DPP6: variants seen among roughly 807,000 people sequenced by gnomAD.
DPP6 encodes dipeptidyl peptidase like 6.
DPP6 carries 69 observed loss-of-function variants against 122.6 expected under a neutral mutation model. The observed-to-expected ratio is 0.56, with a 90% CI of 0.46 to 0.69. DPP6 has a LOEUF of 0.69. Among genes scored for constraint, DPP6 ranks in the 30% least tolerant of loss-of-function variants. The pLI, the probability that DPP6 is intolerant of heterozygous loss-of-function variation, is 0.00. For missense variants in DPP6, 928 were observed against 1,116.9 expected, an observed-to-expected ratio of 0.83 and a Z score of 2.41; for synonymous variants, 418 against 433.1, an observed-to-expected ratio of 0.97 and a Z score of 0.43.
the DPP6 span, among the ~76,000 whole-genome samples, chr7:153,818,623 A>G: frequency 1.3e-5 from 2 of 151,870 alleles, no homozygotes; most frequent in African/African-American, 4.8e-5. Context: ...TTATCTAGCC[A>G]GATGTAGGTT....
At chr7:154,837,197 C>T (rs568955146) in intron 16 of DPP6, among the ~76,000 whole-genome samples, 5 of 151,060 alleles carry the variant, frequency 3.3e-5, no homozygotes, top group East Asian at 2.0e-4. Context: ...GCATGCATAA[C>T]GCACATTCAC....
intron 5 of DPP6, among the ~76,000 whole-genome samples, chr7:154,625,607 G>A (rs2130873581): frequency 6.6e-6 from 1 of 152,060 alleles, no homozygotes; most frequent in South Asian, 2.1e-4. Flanking sequence ...GTCTGTTTTT[G>A]GAAGTGAGCC....
chr7:154,123,419 G>A (rs1807639934), intron 1 of DPP6, among the ~76,000 whole-genome samples: 1 of 152,172 alleles, frequency 6.6e-6, no homozygotes, highest in Admixed American at 6.5e-5. Flanking sequence ...TCTTAAAATT[G>A]TTAGGGGTAT....
chr7:154,270,014 C>A (rs1803686200), intron 1 of DPP6, among the ~76,000 whole-genome samples: 1 of 152,178 alleles, frequency 6.6e-6, no homozygotes, highest in South Asian at 2.1e-4. Flanking sequence ...ATGACGGACC[C>A]AGCAGCCATG....
intron 1 of DPP6, among the ~76,000 whole-genome samples, chr7:154,017,683 G>C (rs1265880142): frequency 1.4e-5 from 2 of 144,040 alleles, no homozygotes; most frequent in African/African-American, 5.2e-5. Context: ...CTGGGTGACA[G>C]AGTGAGCCCT....
chr7:153,977,057 C>T (rs1264771237), intron 1 of DPP6, among the ~76,000 whole-genome samples: 1 of 152,202 alleles, frequency 6.6e-6, no homozygotes, highest in Admixed American at 6.5e-5. Flanking sequence ...GCTCCTGGCT[C>T]TTTTTCATGT....
chr7:154,584,452 GC>G (rs1832297534), intron 5 of DPP6, among the ~76,000 whole-genome samples: 1 of 152,234 alleles, frequency 6.6e-6, no homozygotes, highest in Admixed American at 6.5e-5. Context: ...ACTTTGAGAT[GC>G]TTAAAGGTGG....
intron 1 of DPP6, among the ~76,000 whole-genome samples, chr7:154,291,433 T>G (rs916376729): frequency 3.9e-5 from 6 of 152,196 alleles, no homozygotes; most frequent in Non-Finnish European, 7.3e-5. Flanking sequence ...AAGGTCCAGT[T>G]CTTGCATCAG....
At chr7:154,623,297 C>G (rs376037475) in intron 5 of DPP6, among the ~76,000 whole-genome samples, 3 of 152,090 alleles carry the variant, frequency 2.0e-5, no homozygotes, top group East Asian at 3.9e-4. Context: ...GAATATTTCT[C>G]TTTATATCTG....
chr7:154,036,020 T>TTG (rs1162400104), intron 1 of DPP6, among the ~76,000 whole-genome samples: 16,974 of 54,470 alleles, frequency 0.31, 1,421 homozygotes, highest in East Asian at 0.5. Flanking sequence ...GCGCGCGCGC[T>TTG]TGTGTGTGTG....
At chr7:154,333,459 C>T (rs974841999) in intron 1 of DPP6, among the ~76,000 whole-genome samples, 1 of 152,142 alleles carries the variant, frequency 6.6e-6, no homozygotes. Flanking sequence ...CTAGCACTAT[C>T]GATTAATGCT....
chr7:153,817,923 T>TA, the DPP6 span, among the ~76,000 whole-genome samples: 2,661 of 147,582 alleles, frequency 0.018, 67 homozygotes, highest in African/African-American at 0.064. Flanking sequence ...TAATAATAAT[T>TA]AAAAAAAACA....
chr7:153,870,057 T>G, the DPP6 span, among the ~76,000 whole-genome samples: 3 of 152,262 alleles, frequency 2.0e-5, no homozygotes, highest in East Asian at 3.9e-4. Context: ...TGGGTAACCC[T>G]ACCTTTCTCT....
intron 1 of DPP6, among the ~76,000 whole-genome samples, chr7:154,156,163 A>G (rs534816672): frequency 1.3e-5 from 2 of 152,346 alleles, no homozygotes; most frequent in South Asian, 4.1e-4. Flanking sequence ...CTACAGGGTC[A>G]TCCCGAGGCC....
intron 1 of DPP6, among the ~76,000 whole-genome samples, chr7:154,005,671 G>A (rs1797882779): frequency 7.0e-6 from 1 of 141,872 alleles, no homozygotes; most frequent in African/African-American, 2.6e-5. Context: ...TTGTGGTTCT[G>A]TCAAGAAAGG....
chr7:154,566,400 G>T (rs1016509877), intron 4 of DPP6, among the ~76,000 whole-genome samples: 4 of 152,018 alleles, frequency 2.6e-5, no homozygotes, highest in African/African-American at 7.3e-5. Flanking sequence ...TCATGCCTCA[G>T]CCTCCCAAGT....
At chr7:154,410,430 G>C (rs1816500355) in intron 1 of DPP6, among the ~76,000 whole-genome samples, 1 of 152,192 alleles carries the variant, frequency 6.6e-6, no homozygotes, top group Non-Finnish European at 1.5e-5. Context: ...ATTTCATCAG[G>C]TATAAATGTG....
At chr7:154,570,762 T>C (rs534539145) in intron 5 of DPP6, among the ~76,000 whole-genome samples, 90 of 152,350 alleles carry the variant, frequency 5.9e-4, no homozygotes, top group Admixed American at 1.3e-3. Context: ...ATCTTAACTA[T>C]GCCAACCCTA....
At chr7:154,799,129 C>T (rs536233515) in intron 12 of DPP6, among the ~76,000 whole-genome samples, 2 of 152,256 alleles carry the variant, frequency 1.3e-5, no homozygotes, top group East Asian at 1.9e-4. Flanking sequence ...TTAGGTCCAC[C>T]GATCTTCCAA....
Sources: allele counts gnomAD v4.1 joint callset (sites outside exome capture counted in the v4.1 genomes callset), GRCh38; gene constraint gnomAD v4.1.1; transcripts MANE v1.5; gene names NCBI Gene and HGNC (gene_info 2026-07-23, HGNC 2026-07-21).